The following FABP1 variants were observed in gnomAD, a reference collection of about 807,000 sequenced individuals.
The protein encoded by FABP1 is fatty acid binding protein 1.
In FABP1, 13 loss-of-function variants were observed where a neutral mutation model predicts 13.7. That is an observed-to-expected ratio of 0.95 (90% CI 0.62 to 1.51). The LOEUF is 1.51. FABP1 is among the 40% of genes most tolerant of loss of function. FABP1 has a pLI of 0.00. For synonymous variants in FABP1, 48 were observed against 59.8 expected, an observed-to-expected ratio of 0.80 and a Z score of 0.91; for missense variants, 140 against 155.7, an observed-to-expected ratio of 0.90 and a Z score of 0.54.
chr2:88,125,916 G>T (rs1259524366), intron 2 of FABP1: 9 of 338,898 alleles, frequency 2.7e-5, no homozygotes, highest in African/African-American at 1.6e-4. Context: ...CTGTATGCCT[G>T]GTTCTCCCAT....
intron 3 of FABP1, chr2:88,123,427 T>G: frequency 2.9e-6 from 1 of 347,758 alleles, no homozygotes; most frequent in Non-Finnish European, 5.3e-6. Flanking sequence ...TTTCATTGAG[T>G]ACCTACTATG....
chr2:88,127,320 G>GC (rs1558866788), intron 1 of FABP1, among the ~76,000 whole-genome samples: 1 of 152,154 alleles, frequency 6.6e-6, no homozygotes, highest in African/African-American at 2.4e-5. Context: ...GAGAACCAGT[G>GC]CCTGCTTCCA....
In FABP1 at chr2:88,126,190, CT is replaced by C. The variant is rs747178727; in HGVS notation, c.225del (p.Glu77ArgfsTer16). ...TGCCCTCCTACCTTGACTTTCTCCC[CT>C]GTCATTGTCTCCAGCTCACATTCCT... ...VGEECELETM[T>X]GEKVKTVVQL... is the part of the protein sequence containing the mutation. On this transcript the variant is annotated frameshift_variant, in exon 2 of 4. Coordinates refer to ENST00000295834, the MANE Select transcript of FABP1 (RefSeq NM_001443.3). LOFTEE classifies it high-confidence loss of function. 5 of 1,607,436 alleles carry C rather than the reference CT, an allele frequency of 3.1e-6. No homozygotes were observed. The highest frequency in any genetic ancestry group is 4.3e-6 in the Non-Finnish European group (5 of 1,174,748).
At chr2:88,125,482 C>G (rs1339239715) in intron 2 of FABP1, among the ~76,000 whole-genome samples, 1 of 152,130 alleles carries the variant, frequency 6.6e-6, no homozygotes. Context: ...GAGACGGGCA[C>G]CCCCATTGCC....
chr2:88,126,137 C>T, intron 2 of FABP1, 39 bp downstream of exon 2: 1 of 1,568,168 alleles, frequency 6.4e-7, no homozygotes, highest in Non-Finnish European at 8.7e-7. Flanking sequence ...GGGCCAGGTT[C>T]CAAGGAAAGT....
rs1035616531 is a variant in FABP1, at chr2:88,123,120, G to T, written c.334-16C>A. 1.2e-5 allele frequency: 20 copies of T among 1,604,082 alleles called. No individual in the cohort carries two copies. Among genetic ancestry groups the T allele is most frequent in the Non-Finnish European group, 1.6e-5 (19 of 1,175,956 alleles). Reference sequence around the variant, plus strand: ...ATGTCATGGTCTGAAAGCCAGAAAAGAAATTATGAAGTGTTCATCTGATGT... The same window carrying T: ...ATGTCATGGTCTGAAAGCCAGAAAATAAATTATGAAGTGTTCATCTGATGT... On this transcript the variant is annotated splice_polypyrimidine_tract_variant and intron_variant, in intron 3 of 3. Coordinates refer to ENST00000295834, the MANE Select transcript of FABP1 (RefSeq NM_001443.3).
intron 1 of FABP1, among the ~76,000 whole-genome samples, chr2:88,126,962 G>T (rs1234901466): frequency 6.6e-6 from 1 of 152,120 alleles, no homozygotes; most frequent in African/African-American, 2.4e-5. Context: ...TGGACAGTGA[G>T]CACAGAGGGT....
chr2:88,127,268 G>T (rs1675315475), intron 1 of FABP1, among the ~76,000 whole-genome samples: 1 of 152,138 alleles, frequency 6.6e-6, no homozygotes, highest in Non-Finnish European at 1.5e-5. Context: ...ACATCCTCCT[G>T]TACATGACCC....
chr2:88,127,846 A>G, intron 1 of FABP1, 105 bp downstream of exon 1: 1 of 1,173,072 alleles, frequency 8.5e-7, no homozygotes, highest in Non-Finnish European at 1.3e-6. Context: ...ATATAGCCTG[A>G]ATCTCTCCCC....
intron 2 of FABP1, chr2:88,125,900 A>C (rs1675287173): frequency 3.3e-6 from 1 of 305,122 alleles, no homozygotes; most frequent in African/African-American, 2.1e-5. Context: ...GAGACTTAGA[A>C]TCCTGCTGTA....
chr2:88,127,894 T>C, intron 1 of FABP1, 57 bp downstream of exon 1: 1 of 1,557,340 alleles, frequency 6.4e-7, no homozygotes. Flanking sequence ...CCACTGCTGG[T>C]AGAGCTAGAC....
chr2:88,127,398 T>C (rs1003372885), intron 1 of FABP1, among the ~76,000 whole-genome samples: 2 of 152,212 alleles, frequency 1.3e-5, no homozygotes, highest in African/African-American at 4.8e-5. Flanking sequence ...TGGGCTTCAG[T>C]TGCATTAACT....
At position 88,128,026 on chromosome 2, in the gene FABP1, T is replaced by C; in HGVS notation, c.-9A>G. ...TTGCCGGAGAAACTCATGGTGGCAA[T>C]AGAGCTCCCTCTTCACGACTGACCT... On this transcript the variant is annotated 5_prime_UTR_variant, in exon 1 of 4. Transcript: ENST00000295834. 6.2e-7 allele frequency: 1 copy of C among 1,614,100 alleles called. No homozygotes were observed. Among genetic ancestry groups the C allele is most frequent in the Non-Finnish European group, 8.5e-7 (1 of 1,179,948 alleles).
chr2:88,125,697 T>C (rs1351968161), intron 2 of FABP1, among the ~76,000 whole-genome samples: 1 of 152,236 alleles, frequency 6.6e-6, no homozygotes, highest in Non-Finnish European at 1.5e-5. Flanking sequence ...AGCACCTGTC[T>C]GGGGCCCTGG....
chr2:88,126,484 C>A, intron 1 of FABP1, 136 bp from the exon 2 acceptor site: 1 of 860,102 alleles, frequency 1.2e-6, no homozygotes, highest in Admixed American at 2.0e-5. Flanking sequence ...CAGAAACTCA[C>A]TGGGGGCTTG....
At chr2:88,124,622 G>T (rs1203070701) in intron 2 of FABP1, 36 bp from the exon 3 acceptor site, 1 of 1,496,324 alleles carries the variant, frequency 6.7e-7, no homozygotes, top group Admixed American at 1.7e-5. Context: ...TGAGGAAGGG[G>T]TGGTGGGGGG....
Position 88,127,508 on chromosome 2 carries a change from C to T in FABP1, c.67+443G>A, listed in dbSNP as rs186554143. Among the ~76,000 whole-genome samples, 219 of 152,290 alleles carry T rather than the reference C, an allele frequency of 1.4e-3. 2 individuals are homozygous for T. Among genetic ancestry groups the T allele is most frequent in the African/African-American group, 4.7e-3 (197 of 41,556 alleles). The stretch of plus-strand genomic sequence containing the variant: ...CAGCACAGTCGCCTGGCACAGTCAG[C>T]GCTCCATACACCTGAGGGAATGCCT... On this transcript the variant is annotated intron_variant, in intron 1 of 3. Transcript: ENST00000295834.
chr2:88,127,869 T>G (rs950465302), intron 1 of FABP1, 82 bp downstream of exon 1: 6 of 1,374,974 alleles, frequency 4.4e-6, no homozygotes, highest in Admixed American at 1.7e-5. Context: ...ATCTCAACAT[T>G]TGGACCCTAA....
intron 3 of FABP1, 198 bp downstream of exon 3, chr2:88,124,296 G>T (rs891773423): frequency 3.8e-6 from 2 of 521,876 alleles, no homozygotes; most frequent in Non-Finnish European, 6.7e-6. Context: ...GAGCAGAAAG[G>T]ATTAGTGATA....
Sources: gnomAD v4.1 joint callset for allele counts (sites outside exome capture counted in the v4.1 genomes callset) on GRCh38, gnomAD v4.1.1 for gene constraint, MANE v1.5 for transcripts, NCBI Gene and HGNC (gene_info 2026-07-23, HGNC 2026-07-21) for gene names.